Variants in PLD5 observed in about 807,000 individuals in gnomAD.
PLD5 encodes phospholipase D family member 5, also known as inactive phospholipase D5.
In PLD5, 36 loss-of-function variants were observed where a neutral mutation model predicts 61.1. The observed-to-expected ratio is 0.59, with a 90% CI of 0.45 to 0.78. The LOEUF (loss-of-function observed/expected upper bound fraction) is 0.78, where lower values mean the gene tolerates loss of function less well. Among genes scored for constraint, PLD5 ranks in the 30% least tolerant of loss-of-function variants. The pLI is 0.00. For synonymous variants in PLD5, 243 were observed against 242.8 expected (o/e 1.00, Z -0.01); for missense variants, 515 against 644.4 (o/e 0.80, Z 2.17).
chr1:242,109,807 C>T (rs1467157633), intron 7 of PLD5, among the ~76,000 whole-genome samples: 3 of 151,858 alleles, frequency 2.0e-5, no homozygotes, highest in East Asian at 1.9e-4. Flanking sequence ...GAAGCTGTGC[C>T]GCGGGGCTCT....
At chr1:242,295,288 C>T (rs1675592930) in intron 2 of PLD5, among the ~76,000 whole-genome samples, 1 of 152,150 alleles carries the variant, frequency 6.6e-6, no homozygotes, top group African/African-American at 2.4e-5. Flanking sequence ...CCCCTCTTCT[C>T]CTCTCCTCCC....
At chr1:242,225,595 G>C (rs1191876572) in intron 4 of PLD5, among the ~76,000 whole-genome samples, 1 of 150,866 alleles carries the variant, frequency 6.6e-6, no homozygotes, top group African/African-American at 2.4e-5. Flanking sequence ...ACCCATTCAT[G>C]CTGTCATGTG....
chr1:242,169,221 C>G (rs1277645369), intron 5 of PLD5, among the ~76,000 whole-genome samples: 1 of 152,154 alleles, frequency 6.6e-6, no homozygotes, highest in Non-Finnish European at 1.5e-5. Context: ...GTGATTTCTG[C>G]ATTTCCAACT....
chr1:242,316,496 T>C (rs1022283474), intron 2 of PLD5, among the ~76,000 whole-genome samples: 1 of 152,194 alleles, frequency 6.6e-6, no homozygotes, highest in Non-Finnish European at 1.5e-5. Context: ...TCTTCAACTT[T>C]TTCTCATTTT....
chr1:242,424,581 A>G (rs1665317097), intron 1 of PLD5, among the ~76,000 whole-genome samples: 1 of 151,838 alleles, frequency 6.6e-6, no homozygotes, highest in Non-Finnish European at 1.5e-5. Flanking sequence ...TGTCACCCTA[A>G]TACTTCAAAT....
intron 7 of PLD5, among the ~76,000 whole-genome samples, chr1:242,110,275 T>C (rs1477308468): frequency 1.3e-5 from 2 of 151,868 alleles, no homozygotes; most frequent in African/African-American, 4.8e-5. Context: ...GGAAGAGTGA[T>C]TTAAGGCTTG....
chr1:242,255,113 A>G (rs1420782779), intron 4 of PLD5, among the ~76,000 whole-genome samples: 5 of 152,116 alleles, frequency 3.3e-5, no homozygotes, highest in East Asian at 3.9e-4. Context: ...AGCAGACCCA[A>G]TACAAAGCAG....
At chr1:242,475,295 C>T (rs1427800007) in intron 1 of PLD5, among the ~76,000 whole-genome samples, 2 of 151,568 alleles carry the variant, frequency 1.3e-5, no homozygotes, top group Non-Finnish European at 2.9e-5. Flanking sequence ...CGGTGGCGGG[C>T]GCCTGTAGTC....
At chr1:242,526,104 G>A (rs779689478), upstream of PLD5, among the ~76,000 whole-genome samples, 4 of 152,206 alleles carry the variant, frequency 2.6e-5, no homozygotes, top group Non-Finnish European at 5.9e-5. Flanking sequence ...ATATGAACCA[G>A]ATTGAAAAGC....
At chr1:242,508,079 T>C (rs1327689736) in intron 1 of PLD5, among the ~76,000 whole-genome samples, 1 of 151,892 alleles carries the variant, frequency 6.6e-6, no homozygotes, top group African/African-American at 2.4e-5. Context: ...GAAATGTGTG[T>C]TTGGCTGGGC....
intron 4 of PLD5, among the ~76,000 whole-genome samples, chr1:242,220,960 T>C (rs12032248): frequency 0.3 from 45,991 of 151,746 alleles, 7,250 homozygotes; most frequent in East Asian, 0.53. Context: ...TGGTCTCGAA[T>C]TCCTGACCTC....
chr1:242,327,568 C>T (rs554544566), intron 2 of PLD5, among the ~76,000 whole-genome samples: 7 of 152,074 alleles, frequency 4.6e-5, no homozygotes, highest in Non-Finnish European at 1.0e-4. Context: ...TAGAGAATTT[C>T]AAATATGCTG....
intron 7 of PLD5, among the ~76,000 whole-genome samples, chr1:242,111,618 C>T (rs1661511315): frequency 6.6e-6 from 1 of 151,754 alleles, no homozygotes; most frequent in South Asian, 2.1e-4. Flanking sequence ...TAGTATTTAC[C>T]TATTTATTAA....
intron 5 of PLD5, among the ~76,000 whole-genome samples, chr1:242,153,201 T>TGTTTG (rs1665076571): frequency 6.1e-5 from 9 of 147,724 alleles, no homozygotes; most frequent in East Asian, 2.0e-4. Context: ...TTTTGATGGT[T>TGTTTG]TTTTTTTCTT....
intron 1 of PLD5, among the ~76,000 whole-genome samples, chr1:242,386,085 T>C (rs1214652046): frequency 6.6e-6 from 1 of 152,132 alleles, no homozygotes; most frequent in Non-Finnish European, 1.5e-5. Context: ...TCACATCATC[T>C]TCCCCCTACA....
chr1:242,194,076 C>T (rs58593986), intron 5 of PLD5, among the ~76,000 whole-genome samples: 48,044 of 151,950 alleles, frequency 0.32, 7,812 homozygotes, highest in African/African-American at 0.34. Context: ...TATAAGGCCA[C>T]TGTCCCCATG....
At chr1:242,468,506 T>A (rs147791957) in intron 1 of PLD5, among the ~76,000 whole-genome samples, 1 of 152,328 alleles carries the variant, frequency 6.6e-6, no homozygotes, top group African/African-American at 2.4e-5. Flanking sequence ...ACTTCTTAAA[T>A]TACTGTGGAC....
At chr1:242,501,002 G>A (rs1668537707) in intron 1 of PLD5, among the ~76,000 whole-genome samples, 2 of 151,950 alleles carry the variant, frequency 1.3e-5, no homozygotes. Flanking sequence ...TTTAACTTAA[G>A]TACCTTTTCA....
intron 7 of PLD5, among the ~76,000 whole-genome samples, chr1:242,109,405 G>A: frequency 6.6e-6 from 1 of 151,950 alleles, no homozygotes; most frequent in Non-Finnish European, 1.5e-5. Flanking sequence ...TTGAACCCAG[G>A]AGGTGGAGGT....
Sources: allele counts gnomAD v4.1 joint callset (sites outside exome capture counted in the v4.1 genomes callset), GRCh38; gene constraint gnomAD v4.1.1; transcripts MANE v1.5; gene names NCBI Gene and HGNC (gene_info 2026-07-23, HGNC 2026-07-21).